DNM2: variants seen among roughly 807,000 people sequenced by gnomAD.
The protein encoded by DNM2 is dynamin-2.
Under a neutral mutation model 99.0 loss-of-function variants are expected in DNM2, and 15 were observed. The ratio of observed to expected loss-of-function variants is 0.15; its 90% CI spans 0.10 to 0.23. The LOEUF (loss-of-function observed/expected upper bound fraction) is 0.23. Among genes scored for constraint, DNM2 ranks in the 10% least tolerant of loss-of-function variants. DNM2 has a pLI of 1.00. For synonymous variants in DNM2, 525 were observed against 481.2 expected (o/e 1.09, Z -1.19); for missense variants, 742 against 1,189.4 (o/e 0.62, Z 5.53).
At chr19:10,759,658 T>A in intron 1 of DNM2, 80 bp from the exon 2 acceptor site, 5 of 1,569,338 alleles carry the variant, frequency 3.2e-6, no homozygotes, top group Non-Finnish European at 4.4e-6. Flanking sequence ...AAGACAGAGT[T>A]GCTCCACCAC....
At chr19:10,760,530 G>T (rs1194573721) in intron 2 of DNM2, among the ~76,000 whole-genome samples, 1 of 152,044 alleles carries the variant, frequency 6.6e-6, no homozygotes, top group Non-Finnish European at 1.5e-5. Context: ...CCACGTCCCA[G>T]TTTCTACTCA....
intron 1 of DNM2, 185 bp from the exon 2 acceptor site, chr19:10,759,553 T>C (rs2070545571): frequency 7.0e-6 from 5 of 710,816 alleles, no homozygotes; most frequent in Non-Finnish European, 1.3e-5. Context: ...CATGCATACC[T>C]TCCTGAGCTC....
At chr19:10,719,145 G>A (rs780025053) in intron 1 of DNM2, among the ~76,000 whole-genome samples, 2 of 151,410 alleles carry the variant, frequency 1.3e-5, no homozygotes, top group Non-Finnish European at 2.9e-5. Context: ...CCTCTCTTCC[G>A]TGTGAATTCT....
chr19:10,808,649 T>G, intron 14 of DNM2, 69 bp downstream of exon 14: 1 of 1,487,940 alleles, frequency 6.7e-7, no homozygotes, highest in African/African-American at 1.4e-5. Flanking sequence ...CGCCCACCCC[T>G]AATATTCCCT....
intron 1 of DNM2, among the ~76,000 whole-genome samples, chr19:10,756,719 T>C (rs1221690097): frequency 3.3e-5 from 5 of 152,004 alleles, no homozygotes; most frequent in Non-Finnish European, 5.9e-5. Flanking sequence ...CAAGTGTCTG[T>C]AGGGCGCTCC....
intron 1 of DNM2, among the ~76,000 whole-genome samples, chr19:10,737,017 G>A (rs1279321802): frequency 1.3e-5 from 2 of 152,092 alleles, no homozygotes; most frequent in South Asian, 2.1e-4. Context: ...GCATGGCAGC[G>A]CATACTTACA....
chr19:10,784,902 C>T (rs917588711), intron 6 of DNM2, among the ~76,000 whole-genome samples: 1 of 139,184 alleles, frequency 7.2e-6, no homozygotes, highest in African/African-American at 2.7e-5. Context: ...CAGCTCACTC[C>T]AGCCTCCACC....
rs190162011 is a variant in DNM2 at position 10,820,317 on chromosome 19, G to A, written c.1781+228G>A. Among the ~76,000 whole-genome samples the A allele has an allele frequency of 6.6e-6, 1 of 152,356 alleles. No homozygotes were observed. Among genetic ancestry groups the A allele is most frequent in the Non-Finnish European group, 1.5e-5 (1 of 68,028 alleles). ...AGAGATGAGGATGAAGGCAGGCTCC[G>A]AGTCAGTGGGAGCCATGGAGAGTTC... On this transcript the variant is annotated intron_variant, in intron 16 of 20. Coordinates refer to ENST00000389253, the MANE Select transcript of DNM2 (RefSeq NM_001005361.3). This position sits in a 1 kb window ranked among gnomAD's most constrained non-coding sequence, Gnocchi z 4.3.
chr19:10,766,053 GA>G (rs1355528119), intron 2 of DNM2, among the ~76,000 whole-genome samples: 1 of 152,174 alleles, frequency 6.6e-6, no homozygotes, highest in Non-Finnish European at 1.5e-5. Context: ...TGGGGAAACT[GA>G]GGTGCTGAGA....
chr19:10,777,682 C>T (rs1418952304), intron 5 of DNM2, among the ~76,000 whole-genome samples: 1 of 152,170 alleles, frequency 6.6e-6, no homozygotes, highest in African/African-American at 2.4e-5. Flanking sequence ...GCAACCTCCG[C>T]CTCCCAGGTT....
At chr19:10,773,558 C>G (rs1048135402) in intron 3 of DNM2, among the ~76,000 whole-genome samples, 1 of 151,384 alleles carries the variant, frequency 6.6e-6, no homozygotes, top group African/African-American at 2.4e-5. Flanking sequence ...AAGCAATTCT[C>G]TGGCCTCAGC....
Position 10,796,942 on chromosome 19 carries a change from C to T in DNM2, c.1197-438C>T, listed in dbSNP as rs1487200232. Among the ~76,000 whole-genome samples, 2 of 152,106 alleles carry T rather than the reference C, an allele frequency of 1.3e-5. No homozygotes were observed. The highest frequency in any genetic ancestry group is 2.9e-5 in the Non-Finnish European group (2 of 68,016). On this transcript the variant is annotated intron_variant, in intron 9 of 20. Coordinates refer to ENST00000389253, the MANE Select transcript of DNM2 (RefSeq NM_001005361.3). This position sits in a 1 kb window ranked among gnomAD's most constrained non-coding sequence, Gnocchi z 5.6. ...GCTTGCGCGACCACAGTGTCCCCAG[C>T]GCTCCGGGTTGCCAGGGAATTTCTG... is the stretch of plus-strand genomic sequence containing the variant.
At chr19:10,786,363 T>G (rs1396677229) in intron 6 of DNM2, 5 of 842,002 alleles carry the variant, frequency 5.9e-6, no homozygotes, top group South Asian at 3.1e-5. Context: ...CTTACACTCA[T>G]GGGCAGCTCC....
chr19:10,729,565 C>T (rs1461214067), intron 1 of DNM2, among the ~76,000 whole-genome samples: 1 of 152,120 alleles, frequency 6.6e-6, no homozygotes, highest in Non-Finnish European at 1.5e-5. Context: ...ACACCCGGCC[C>T]GCTGAGTGCC....
In DNM2 at chr19:10,759,753, C is replaced by T. The variant is rs762795230; in HGVS notation, c.177C>T (p.Arg59=). ...ENFVGRDFLP[R]GSGIVTRRPL... Reference sequence around the variant, plus strand: ...CCCCTCACAGGGACTTCCTTCCCCGCGGTTCAGGAATCGTCACCCGGCGGC... The same window carrying T: ...CCCCTCACAGGGACTTCCTTCCCCGTGGTTCAGGAATCGTCACCCGGCGGC... The change falls in exon 2 of 21, where the codon CGC becomes CGT. Residue 59 remains arginine (R), a synonymous_variant. Transcript: ENST00000389253. The T allele has an allele frequency of 1.3e-5, 21 of 1,614,022 alleles. No homozygotes were observed. Among genetic ancestry groups the T allele is most frequent in the Middle Eastern group, 1.6e-4 (1 of 6,084 alleles).
At chr19:10,829,368 C>G (rs940784928) in intron 19 of DNM2, 100 bp downstream of exon 19, 18 of 1,433,042 alleles carry the variant, frequency 1.3e-5, no homozygotes, top group Non-Finnish European at 1.6e-5. Flanking sequence ...GGACACAGCC[C>G]AAGGGTGGCA....
rs1312678916 is a variant in DNM2 at position 10,777,140 on chromosome 19, C to T, written c.612C>T (p.Ile204=). Residue 204 remains isoleucine, a synonymous_variant, in exon 5 of 21, where the codon ATC becomes ATT. Transcript: ENST00000389253. ...DPQGLRTIGV[I]TKLDLMDEGT... Reference sequence around the variant, plus strand: ...CAGGCCTACGGACCATCGGTGTCATCACCAAGCTTGACCTGATGGACGAGG... The same window carrying T: ...CAGGCCTACGGACCATCGGTGTCATTACCAAGCTTGACCTGATGGACGAGG... 1 of 1,614,220 alleles carries T rather than the reference C, an allele frequency of 6.2e-7. No homozygotes were observed. Among genetic ancestry groups the T allele is most frequent in the East Asian group, 2.2e-5 (1 of 44,884 alleles).
At chr19:10,819,554 A>G (rs976724310) in intron 15 of DNM2, among the ~76,000 whole-genome samples, 2 of 152,112 alleles carry the variant, frequency 1.3e-5, no homozygotes, top group African/African-American at 4.8e-5. Context: ...GCCCTGGAGA[A>G]ACTTGAGTCA....
At chr19:10,770,375 C>T (rs192811631) in intron 2 of DNM2, among the ~76,000 whole-genome samples, 253 of 152,260 alleles carry the variant, frequency 1.7e-3, no homozygotes, top group African/African-American at 5.7e-3. Context: ...AGGTCTCTGA[C>T]CTCTTTGCCA....
Sources: allele counts gnomAD v4.1 joint callset (sites outside exome capture counted in the v4.1 genomes callset), GRCh38; gene constraint gnomAD v4.1.1; non-coding constraint Gnocchi (gnomAD v3.1); transcripts MANE v1.5; gene names NCBI Gene and HGNC (gene_info 2026-07-23, HGNC 2026-07-21).